The following GGT5 variants were observed in gnomAD, a reference collection of about 807,000 sequenced individuals.
GGT5 encodes glutathione hydrolase 5 proenzyme.
Under a neutral mutation model 58.1 loss-of-function variants are expected in GGT5, and 50 were observed. The observed-to-expected ratio is 0.86, with a 90% confidence interval of 0.69 to 1.09. GGT5 has a LOEUF of 1.09. GGT5 is among the 50% of genes least tolerant of loss of function. The pLI is 0.00. For synonymous variants in GGT5, 370 were observed against 346.1 expected (o/e 1.07, Z -0.77); for missense variants, 800 against 789.4 (o/e 1.01, Z -0.16).
At chr22:24,239,194 C>T (rs991320739) in intron 1 of GGT5, among the ~76,000 whole-genome samples, 2 of 150,308 alleles carry the variant, frequency 1.3e-5, no homozygotes, top group African/African-American at 4.9e-5. Context: ...AAAAAATTAG[C>T]CAGGCGTGGT....
In GGT5 at chr22:24,226,140, A is replaced by T; in HGVS notation, c.1165T>A (p.Ser389Thr). Residue 389 changes from serine to threonine, a missense_variant, in exon 8 of 12, where the codon TCC becomes ACC. Transcript: ENST00000327365. ...AEAWGHGTGT[S>T]HVSVLGEDGS... ...TCCTCCCCCAGCACAGACACATGGG[A>T]CGTGCCTGTCCCGTGGCCCCAGGCC... 6.2e-7 allele frequency: 1 copy of T among 1,611,070 alleles called. No individual in the cohort carries two copies. Among genetic ancestry groups the T allele is most frequent in the East Asian group, 2.2e-5 (1 of 44,834 alleles).
intron 1 of GGT5, among the ~76,000 whole-genome samples, chr22:24,240,491 CTT>C (rs200391250): frequency 1.0e-4 from 15 of 144,044 alleles, no homozygotes; most frequent in Admixed American, 7.0e-5. Flanking sequence ...AGCTGTATAA[CTT>C]TTTTTTTTTT....
At chr22:24,232,232 G>T in intron 4 of GGT5, 24 bp from the exon 5 acceptor site, 1 of 1,334,410 alleles carries the variant, frequency 7.5e-7, no homozygotes, top group Non-Finnish European at 1.0e-6. Flanking sequence ...GGAGCCTCAG[G>T]GTGGGGCCAG....
chr22:24,229,851 AAAAAAAAAAAG>A (rs1012304264), intron 6 of GGT5, among the ~76,000 whole-genome samples: 3 of 146,332 alleles, frequency 2.1e-5, no homozygotes, highest in South Asian at 2.2e-4. Flanking sequence ...ATTCCATCTC[AAAAAAAAAAAG>A]AAAAAAAAAA....
At chr22:24,222,908 T>C (rs1182897369) in intron 11 of GGT5, among the ~76,000 whole-genome samples, 1 of 151,778 alleles carries the variant, frequency 6.6e-6, no homozygotes, top group African/African-American at 2.4e-5. Flanking sequence ...AAACCCTGTC[T>C]CTACTAAAAA....
chr22:24,238,903 ATATT>A (rs1312764002), intron 1 of GGT5, among the ~76,000 whole-genome samples: 439 of 14,968 alleles, frequency 0.029, 56 homozygotes, highest in African/African-American at 0.053. Context: ...ATATATATAT[ATATT>A]ATATATATTA....
At chr22:24,222,860 A>G (rs572604219) in intron 11 of GGT5, among the ~76,000 whole-genome samples, 39 of 146,084 alleles carry the variant, frequency 2.7e-4, no homozygotes, top group South Asian at 1.3e-3. Flanking sequence ...GGCGGATCAC[A>G]AGGTCAGGAG....
intron 11 of GGT5, among the ~76,000 whole-genome samples, chr22:24,222,803 C>A (rs188546779): frequency 6.6e-6 from 1 of 151,846 alleles, no homozygotes; most frequent in African/African-American, 2.4e-5. Flanking sequence ...AGGGGCCGGG[C>A]GCGGTGGCTC....
Position 24,225,055 on chromosome 22 carries a change from C to T in GGT5, c.1555G>A (p.Ala519Thr), listed in dbSNP as rs773450659. The T allele has an allele frequency of 1.4e-4, 225 of 1,601,540 alleles. No individual in the cohort carries two copies. The highest frequency in any genetic ancestry group is 1.9e-4 in the Non-Finnish European group (218 of 1,174,130). Residue 519 changes from alanine to threonine, a missense_variant, in exon 11 of 12, where the codon GCC becomes ACC. Transcript: ENST00000327365. ...TTGCTGTTGACATGCAGGATGGGGG[C>T]TGCAATGGCCGCTCTCAGGTCAAAG... The part of the protein sequence containing the change: ...LGFDLRAAIA[A>T]PILHVNSKGC...
chr22:24,220,664 G>C (rs1338117024), intron 11 of GGT5: 8 of 455,490 alleles, frequency 1.8e-5, no homozygotes. Flanking sequence ...TGGGAGCCAA[G>C]GTGGCAGGAT....
intron 10 of GGT5, 36 bp downstream of exon 10, chr22:24,225,209 G>C (rs1487815214): frequency 6.2e-7 from 1 of 1,605,442 alleles, no homozygotes; most frequent in Non-Finnish European, 8.5e-7. Context: ...ATGCTGCCCA[G>C]AGAGGAGACA....
chr22:24,224,440 C>A (rs1040456983), intron 11 of GGT5, among the ~76,000 whole-genome samples: 3 of 151,902 alleles, frequency 2.0e-5, no homozygotes, highest in Non-Finnish European at 4.4e-5. Flanking sequence ...ATCACTTGAG[C>A]CCAGGATGTC....
Position 24,226,111 on chromosome 22 carries a change from G to A in GGT5, c.1194C>T (p.Gly398=). The A allele has an allele frequency of 1.2e-6, 2 of 1,605,744 alleles. No homozygotes were observed. The highest frequency in any genetic ancestry group is 8.5e-7 in the Non-Finnish European group (1 of 1,175,970). The part of the protein sequence containing the change: ...TSHVSVLGED[G]SAVAATSTIN... ...TGGTGCTGGTGGCAGCCACGGCGCT[G>A]CCATCCTCCCCCAGCACAGACACAT... Residue 398 remains glycine (G), a synonymous_variant, in exon 8 of 12, where the codon GGC becomes GGT. Coordinates refer to ENST00000327365, the MANE Select transcript of GGT5 (RefSeq NM_004121.5).
intron 1 of GGT5, among the ~76,000 whole-genome samples, chr22:24,240,700 C>T (rs2048304021): frequency 6.6e-6 from 1 of 152,048 alleles, no homozygotes; most frequent in Admixed American, 6.6e-5. Context: ...ACCATGTTGC[C>T]CAGGCTGGTC....
chr22:24,229,043 C>A (rs139737000), intron 6 of GGT5, among the ~76,000 whole-genome samples: 1 of 150,890 alleles, frequency 6.6e-6, no homozygotes, highest in Non-Finnish European at 1.5e-5. Flanking sequence ...GAGCTGAGAT[C>A]GCGCAATTGC....
intron 3 of GGT5, among the ~76,000 whole-genome samples, chr22:24,233,239 C>A (rs2048001743): frequency 6.6e-6 from 1 of 152,236 alleles, no homozygotes; most frequent in African/African-American, 2.4e-5. Flanking sequence ...CCCCACCCTG[C>A]CCCGCCAACC....
intron 11 of GGT5, among the ~76,000 whole-genome samples, chr22:24,222,905 G>A (rs536531830): frequency 0.018 from 2,681 of 151,716 alleles, 50 homozygotes; most frequent in African/African-American, 0.049. Context: ...GTGAAACCCT[G>A]TCTCTACTAA....
Position 24,238,958 on chromosome 22 carries a change from A to T in GGT5, c.174-4954T>A, listed in dbSNP as rs9608263. On this transcript the variant is annotated intron_variant, in intron 1 of 11. Coordinates refer to ENST00000327365, the MANE Select transcript of GGT5 (RefSeq NM_004121.5). ...TTATATAATATATATATATATATAT[A>T]ATATATATATAGCCCATGACACAGT... 5.3e-4 allele frequency among the ~76,000 whole-genome samples: 13 copies of T among 24,300 alleles called. 2 individuals carry two copies. The highest frequency in any genetic ancestry group is 4.1e-3 in the South Asian group (3 of 724). 15.9% of individuals were successfully genotyped at this position (24,300 alleles called of 152,430 possible).
intron 1 of GGT5, among the ~76,000 whole-genome samples, chr22:24,235,050 C>A (rs1316419875): frequency 1.3e-5 from 1 of 75,662 alleles, no homozygotes; most frequent in African/African-American, 5.4e-5. Flanking sequence ...AAGAAGCCAG[C>A]TTTTTTTTTT....
Sources: gnomAD v4.1 joint callset for allele counts (sites outside exome capture counted in the v4.1 genomes callset) on GRCh38, gnomAD v4.1.1 for gene constraint, MANE v1.5 for transcripts, NCBI Gene and HGNC (gene_info 2026-07-23, HGNC 2026-07-21) for gene names.